Variants in CACNG8 observed in about 807,000 individuals in gnomAD.
CACNG8 encodes calcium voltage-gated channel auxiliary subunit gamma 8.
In CACNG8, 5 loss-of-function variants were observed where a neutral mutation model predicts 26.9. That is an observed-to-expected ratio of 0.19 (90% CI 0.10 to 0.39). CACNG8 has a LOEUF of 0.39. Among genes scored for constraint, CACNG8 ranks in the 10% least tolerant of loss-of-function variants. The pLI is 1.00. For synonymous variants in CACNG8, 321 were observed against 296.7 expected (o/e 1.08, Z -0.84); for missense variants, 473 against 609.4 (o/e 0.78, Z 2.36).
Position 53,982,866 on chromosome 19 carries a change from C to A in CACNG8, c.*17C>A. The stretch of plus-strand genomic sequence containing the variant: ...CCTGTGTAGGGGCGCGGCGGGGGAG[C>A]CGAGGGGCGTGTCCGGGGCGCGTGC... On this transcript the variant is annotated 3_prime_UTR_variant, in exon 4 of 4. Transcript: ENST00000270458. The surrounding 1 kb of genome is among the most constrained non-coding windows in gnomAD (Gnocchi z 8.4). The A allele has an allele frequency of 1.6e-6, 2 of 1,270,750 alleles. No individual in the cohort carries two copies. The highest frequency in any genetic ancestry group is 2.0e-6 in the Non-Finnish European group (2 of 1,007,452). 78.7% of individuals were successfully genotyped at this position (1,270,750 alleles called of 1,614,324 possible).
chr19:53,980,577 G>C (rs968211998), intron 3 of CACNG8, among the ~76,000 whole-genome samples: 1 of 152,148 alleles, frequency 6.6e-6, no homozygotes, highest in Non-Finnish European at 1.5e-5. Context: ...GCCCTTGCCC[G>C]TGGCCATTTG....
In CACNG8 at chr19:53,982,976, CCA is replaced by C; in HGVS notation, c.*129_*130del. The C allele has an allele frequency of 2.0e-6, 1 of 491,576 alleles. No homozygotes were observed. The highest frequency in any genetic ancestry group is 3.0e-6 in the Non-Finnish European group (1 of 338,918). The allele number at this position is 491,576 out of a possible 1,614,324, so 30.5% of individuals were successfully genotyped here. A position where few individuals can be genotyped will look rare whatever the true frequency, so the allele number is the denominator to read the frequency against. On this transcript the variant is annotated 3_prime_UTR_variant, in exon 4 of 4. Coordinates refer to ENST00000270458, the MANE Select transcript of CACNG8 (RefSeq NM_031895.6). The surrounding 1 kb of genome is among the most constrained non-coding windows in gnomAD (Gnocchi z 8.4). ...CGCGCTGGAGACTGCTGGGCCCGCCCCACGCCCACCCTCCCCGCCCCCCTCCC... is the reference window on the plus strand; with the variant it reads ...CGCGCTGGAGACTGCTGGGCCCGCCCCGCCCACCCTCCCCGCCCCCCTCCC...
chr19:53,969,283 G>A (rs915561354), intron 1 of CACNG8, among the ~76,000 whole-genome samples: 34 of 152,108 alleles, frequency 2.2e-4, no homozygotes, highest in African/African-American at 7.7e-4. Flanking sequence ...GATTATAGGT[G>A]TAAGCCACCG....
rs2069251506 is a variant in CACNG8 at position 53,963,022 on chromosome 19, C to G, written c.-121C>G. The G allele has an allele frequency of 2.7e-6, 1 of 366,814 alleles. No homozygotes were observed. Among genetic ancestry groups the G allele is most frequent in the African/African-American group, 2.2e-5 (1 of 45,944 alleles). The allele number at this position is 366,814 out of a possible 1,614,324, so 22.7% of individuals were successfully genotyped here. A position where few individuals can be genotyped will look rare whatever the true frequency, so the allele number is the denominator to read the frequency against. ...TCCTCCTCGCCGCCCCCCTCCCCAGCCCCGCCGGCCCCGGGCCCCCCGCTT... is the reference window on the plus strand; with the variant it reads ...TCCTCCTCGCCGCCCCCCTCCCCAGGCCCGCCGGCCCCGGGCCCCCCGCTT... On this transcript the variant is annotated 5_prime_UTR_variant, in exon 1 of 4. Transcript: ENST00000270458.
chr19:53,968,768 C>CAAAAAAAAAA (rs34461203), intron 1 of CACNG8, among the ~76,000 whole-genome samples: 2 of 50,324 alleles, frequency 4.0e-5, no homozygotes, highest in African/African-American at 1.9e-4. Context: ...GACTCTATCT[C>CAAAAAAAAAA]AAAAAAAAAA....
Position 53,982,574 on chromosome 19 carries a change from G to A in CACNG8, c.1003G>A (p.Ala335Thr). 5.1e-6 allele frequency: 5 copies of A among 986,062 alleles called. No homozygotes were observed. The highest frequency in any genetic ancestry group is 6.0e-6 in the Non-Finnish European group (5 of 831,014). 61.1% of individuals were successfully genotyped at this position (986,062 alleles called of 1,614,324 possible). ...CGGCGGCGGCGGCGGCGCCGTGGGG[G>A]CGTTCGGCGGCGCGGCCGGGGGCGC... is the stretch of plus-strand genomic sequence containing the variant. The change falls in exon 4 of 4, where the codon GCG (alanine) becomes ACG (threonine). Residue 335 changes from alanine to threonine, a missense_variant. By Grantham distance (58) the Ala-to-Thr change is moderately conservative. Around this residue, in one of 6 missense-constraint regions of CACNG8, gnomAD observed 212 missense variants for 214.4 expected, o/e 0.99. Coordinates refer to ENST00000270458, the MANE Select transcript of CACNG8 (RefSeq NM_031895.6). The surrounding 1 kb of genome is among the most constrained non-coding windows in gnomAD (Gnocchi z 8.4).
At chr19:53,970,113 G>A (rs1266867493) in intron 1 of CACNG8, among the ~76,000 whole-genome samples, 1 of 151,878 alleles carries the variant, frequency 6.6e-6, no homozygotes, top group Non-Finnish European at 1.5e-5. Context: ...TCAGGAGATC[G>A]AGACCATCCT....
intron 1 of CACNG8, among the ~76,000 whole-genome samples, chr19:53,974,603 C>G (rs1028657337): frequency 2.0e-5 from 3 of 151,590 alleles, no homozygotes; most frequent in African/African-American, 7.3e-5. Context: ...TTCTCCACAT[C>G]CTTCATAACA....
At chr19:53,969,390 T>C (rs1203122633) in intron 1 of CACNG8, among the ~76,000 whole-genome samples, 2 of 151,890 alleles carry the variant, frequency 1.3e-5, no homozygotes, top group Non-Finnish European at 2.9e-5. Flanking sequence ...TAATATGCAG[T>C]AGGGTCTGGA....
rs1273421249 is a variant in CACNG8 at position 53,982,475 on chromosome 19, A to C, written c.904A>C (p.Thr302Pro). 6.6e-7 allele frequency: 1 copy of C among 1,513,456 alleles called. No homozygotes were observed. Among genetic ancestry groups the C allele is most frequent in the South Asian group, 1.2e-5 (1 of 81,586 alleles). The allele number at this position is 1,513,456 out of a possible 1,614,324, so 93.8% of individuals were successfully genotyped here. Residue 302 changes from threonine (T) to proline (P), a missense_variant, in exon 4 of 4, where the codon ACG (threonine) becomes CCG (proline). By Grantham distance (38) the Thr-to-Pro change is conservative (BLOSUM62 -1). Coordinates refer to ENST00000270458, the MANE Select transcript of CACNG8 (RefSeq NM_031895.6). This position sits in a 1 kb window ranked among gnomAD's most constrained non-coding sequence, Gnocchi z 8.4. ...CCCCGGGGGCCCGGGCTTTGCCTCC[A>C]CGGACATCTCCATGTACACGCTCAG...
At position 53,982,440 on chromosome 19, in the gene CACNG8, C is replaced by G; in HGVS notation, c.869C>G (p.Ser290Cys). Reference sequence around the variant, plus strand: ...GAGCCGTCGCCGTCGCGGGACGCGTCTCCCGGCGGCCCCGGGGGCCCGGGC... The same window carrying G: ...GAGCCGTCGCCGTCGCGGGACGCGTGTCCCGGCGGCCCCGGGGGCCCGGGC... Residue 290 changes from serine to cysteine, a missense_variant, in exon 4 of 4, where the codon TCT (serine) becomes TGT (cysteine). Ser to Cys is a moderately radical substitution (Grantham distance 112, BLOSUM62 -1). Around this residue, in one of 6 missense-constraint regions of CACNG8, gnomAD observed 212 missense variants for 214.4 expected, o/e 0.99. Coordinates refer to ENST00000270458, the MANE Select transcript of CACNG8 (RefSeq NM_031895.6). This position sits in a 1 kb window ranked among gnomAD's most constrained non-coding sequence, Gnocchi z 8.4. 2.0e-6 allele frequency: 3 copies of G among 1,518,374 alleles called. No individual in the cohort carries two copies. The highest frequency in any genetic ancestry group is 2.6e-6 in the Non-Finnish European group (3 of 1,140,072). 94.1% of individuals were successfully genotyped at this position (1,518,374 alleles called of 1,614,324 possible). A position where few individuals can be genotyped will look rare whatever the true frequency, so the allele number is the denominator to read the frequency against.
At position 53,982,464 on chromosome 19, in the gene CACNG8, G is replaced by T; in HGVS notation, c.893G>T (p.Gly298Val). 1 of 1,515,270 alleles carries T rather than the reference G, an allele frequency of 6.6e-7. No homozygotes were observed. Among genetic ancestry groups the T allele is most frequent in the Non-Finnish European group, 8.8e-7 (1 of 1,139,004 alleles). 93.9% of individuals were successfully genotyped at this position (1,515,270 alleles called of 1,614,324 possible). A position where few individuals can be genotyped will look rare whatever the true frequency, so the allele number is the denominator to read the frequency against. The change falls in exon 4 of 4, where the codon GGC becomes GTC. Residue 298 changes from glycine (G) to valine (V), a missense_variant. This residue lies in a region of CACNG8 where 212 missense variants were observed against 214.4 expected (regional missense o/e 0.99). Coordinates refer to ENST00000270458, the MANE Select transcript of CACNG8 (RefSeq NM_031895.6). This position sits in a 1 kb window ranked among gnomAD's most constrained non-coding sequence, Gnocchi z 8.4. ...TCTCCCGGCGGCCCCGGGGGCCCGG[G>T]CTTTGCCTCCACGGACATCTCCATG...
intron 1 of CACNG8, among the ~76,000 whole-genome samples, chr19:53,970,970 G>T (rs138753708): frequency 6.8e-6 from 1 of 147,820 alleles, no homozygotes; most frequent in Non-Finnish European, 1.5e-5. Flanking sequence ...AAGAAAAAAA[G>T]AAATATAACA....
rs1227032664 is a variant in CACNG8, at chr19:53,979,982, C to A, written c.483C>A (p.Gly161=). The change falls in exon 3 of 4, where the codon GGC becomes GGA. Residue 161 remains glycine (G), a synonymous_variant. Coordinates refer to ENST00000270458, the MANE Select transcript of CACNG8 (RefSeq NM_031895.6). Reference sequence around the variant, plus strand: ...AGTCCAAGAGGAACATCATTCTGGGCGCAGGGATCCTGTTCGTGGCAGCAG... The same window carrying A: ...AGTCCAAGAGGAACATCATTCTGGGAGCAGGGATCCTGTTCGTGGCAGCAG... 1.2e-5 allele frequency: 19 copies of A among 1,611,236 alleles called. No homozygotes were observed. The highest frequency in any genetic ancestry group is 1.6e-5 in the Non-Finnish European group (19 of 1,178,906).
rs56350202 is a variant in CACNG8 at position 53,985,326 on chromosome 19, A to AGCATATGGGGCTG, written c.*2477_*2478insGCATATGGGGCTG. The AGCATATGGGGCTG allele has an allele frequency of 0.73, 110,465 of 151,726 alleles. 40,379 individuals are homozygous for AGCATATGGGGCTG. The highest frequency in any genetic ancestry group is 0.88 in the East Asian group (4,514 of 5,118). The allele number at this position is 151,726 out of a possible 1,614,324, so 9.4% of individuals were successfully genotyped here. A position where few individuals can be genotyped will look rare whatever the true frequency, so the allele number is the denominator to read the frequency against. On this transcript the variant is annotated 3_prime_UTR_variant, in exon 4 of 4. Coordinates refer to ENST00000270458, the MANE Select transcript of CACNG8 (RefSeq NM_031895.6). Reference sequence around the variant, plus strand: ...AGGGGCTCTGCGTGCCCTTCTCTTGACGGAAGGGTACAGATCAGAGCTGGG... The same window carrying AGCATATGGGGCTG: ...AGGGGCTCTGCGTGCCCTTCTCTTGAGCATATGGGGCTGCGGAAGGGTACAGATCAGAGCTGGG...
chr19:53,980,057 CGT>C (rs56223082), intron 3 of CACNG8, 50 bp downstream of exon 3: 181,617 of 1,008,872 alleles, frequency 0.18, 4,654 homozygotes, highest in African/African-American at 0.23. Context: ...TGGGCGCGCA[CGT>C]GTGTGTGTGT....
chr19:53,974,645 A>T (rs28821786), intron 1 of CACNG8, among the ~76,000 whole-genome samples: 3 of 141,796 alleles, frequency 2.1e-5, no homozygotes, highest in Non-Finnish European at 3.1e-5. Flanking sequence ...TTATTTATTT[A>T]ATTTATTTAT....
chr19:53,963,304 C>T lies in CACNG8; in HGVS notation c.162C>T (p.Thr54=), dbSNP rs781510400. The change falls in exon 1 of 4, where the codon ACC becomes ACT. Residue 54 remains threonine (T), a synonymous_variant. Coordinates refer to ENST00000270458, the MANE Select transcript of CACNG8 (RefSeq NM_031895.6). The stretch of plus-strand genomic sequence containing the variant: ...ACACGCGCGCCCTCATCTGCAACAC[C>T]ACCAACCTCACGGCCGGCGGCGACG... 6.2e-7 allele frequency: 1 copy of T among 1,607,418 alleles called. No individual in the cohort carries two copies. The highest frequency in any genetic ancestry group is 1.1e-5 in the South Asian group (1 of 90,938).
In CACNG8 at chr19:53,974,964, T is replaced by C. The variant is rs145259418; in HGVS notation, c.284-3182T>C. ...CTATTTTATTTTATTTTTTTATTTA[T>C]TTAGAGATGGAATCTTGCTCTGTCA... is the stretch of plus-strand genomic sequence containing the variant. On this transcript the variant is annotated intron_variant, in intron 1 of 3. Transcript: ENST00000270458. 2.9e-3 allele frequency among the ~76,000 whole-genome samples: 435 copies of C among 151,024 alleles called. 1 individual carries two copies. The highest frequency in any genetic ancestry group is 4.9e-3 in the Non-Finnish European group (332 of 67,772).
Sources: gnomAD v4.1 joint callset for allele counts (sites outside exome capture counted in the v4.1 genomes callset) on GRCh38, gnomAD v4.1.1 for gene constraint, gnomAD v4.1.1 regional missense constraint, Gnocchi (gnomAD v3.1) non-coding constraint, MANE v1.5 for transcripts, NCBI Gene and HGNC (gene_info 2026-07-23, HGNC 2026-07-21) for gene names.